Variants in USP25 observed in about 807,000 individuals in gnomAD.
USP25 encodes the protein ubiquitin carboxyl-terminal hydrolase 25.
Under a neutral mutation model 158.5 loss-of-function variants are expected in USP25, and 85 were observed. The ratio of observed to expected loss-of-function variants is 0.54; its 90% CI spans 0.45 to 0.64. The LOEUF is 0.64. USP25 is among the 30% of genes least tolerant of loss of function. The pLI, the probability that USP25 is intolerant of heterozygous loss-of-function variation, is 0.00. For missense variants in USP25, 1,242 were observed against 1,327.3 expected (o/e 0.94, Z 1.00); for synonymous variants, 464 against 460.4 (o/e 1.01, Z -0.10).
intron 17 of USP25, 21 bp from the exon 18 acceptor site, chr21:15,842,377 A>T (rs374796575): frequency 1.2e-6 from 2 of 1,610,658 alleles, no homozygotes; most frequent in African/African-American, 2.7e-5. Flanking sequence ...TAGATATATA[A>T]TTGATTCTTT....
intron 25 of USP25, 82 bp from the exon 26 acceptor site, chr21:15,878,221 A>G (rs929003380): frequency 6.6e-7 from 1 of 1,516,590 alleles, no homozygotes; most frequent in African/African-American, 1.4e-5. Context: ...CTATTAGAGT[A>G]AGTTAATATT....
At chr21:15,836,987 C>T (rs1292495557) in intron 17 of USP25, among the ~76,000 whole-genome samples, 61 of 106,696 alleles carry the variant, frequency 5.7e-4, no homozygotes, top group African/African-American at 1.8e-3. Context: ...AGCCAGCCAT[C>T]CTTTGCTGTC....
At chr21:15,859,622 T>C (rs2039328289) in intron 20 of USP25, among the ~76,000 whole-genome samples, 3 of 152,190 alleles carry the variant, frequency 2.0e-5, no homozygotes, top group African/African-American at 7.2e-5. Flanking sequence ...TTACCAGATT[T>C]CTAGGGCAAA....
chr21:15,829,840 T>A (rs1192471748), intron 14 of USP25, among the ~76,000 whole-genome samples: 1 of 152,146 alleles, frequency 6.6e-6, no homozygotes, highest in Non-Finnish European at 1.5e-5. Context: ...GGTTACTAGT[T>A]TTCTGACAGG....
chr21:15,768,168 G>C (rs144631600), intron 3 of USP25, among the ~76,000 whole-genome samples: 2 of 152,188 alleles, frequency 1.3e-5, no homozygotes, highest in Non-Finnish European at 2.9e-5. Context: ...GTCATATTGA[G>C]TAAATTGCTT....
At chr21:15,851,336 TTTAA>T (rs1301811662) in intron 20 of USP25, among the ~76,000 whole-genome samples, 1 of 152,122 alleles carries the variant, frequency 6.6e-6, no homozygotes, top group Admixed American at 6.5e-5. Flanking sequence ...CTTTCAGTTA[TTTAA>T]TCTGTTTGGC....
intron 4 of USP25, among the ~76,000 whole-genome samples, chr21:15,779,347 A>G (rs773677211): frequency 5.9e-5 from 9 of 152,048 alleles, no homozygotes; most frequent in Non-Finnish European, 1.2e-4. Context: ...AAACTTTGAG[A>G]AATATTTTAA....
chr21:15,768,859 A>C (rs1345658821), intron 3 of USP25, among the ~76,000 whole-genome samples: 1 of 152,094 alleles, frequency 6.6e-6, no homozygotes, highest in African/African-American at 2.4e-5. Flanking sequence ...AAATCTCTTA[A>C]AACCAGGGCT....
chr21:15,861,571 G>T (rs774778540), intron 20 of USP25, among the ~76,000 whole-genome samples: 4 of 152,104 alleles, frequency 2.6e-5, no homozygotes, highest in Non-Finnish European at 2.9e-5. Context: ...AGATTGTGTA[G>T]AACTCTGCTA....
intron 2 of USP25, among the ~76,000 whole-genome samples, chr21:15,765,459 C>T (rs1380918812): frequency 6.6e-6 from 1 of 151,952 alleles, no homozygotes; most frequent in East Asian, 1.9e-4. Flanking sequence ...TTGAGTATTT[C>T]TGTCTAGAGT....
chr21:15,777,189 G>C (rs529349053), intron 3 of USP25, among the ~76,000 whole-genome samples: 1 of 152,172 alleles, frequency 6.6e-6, no homozygotes, highest in Non-Finnish European at 1.5e-5. Flanking sequence ...TTTTTTATTA[G>C]AAGAGGGCTT....
intron 1 of USP25, among the ~76,000 whole-genome samples, chr21:15,734,753 T>TA (rs2031321055): frequency 6.6e-6 from 1 of 152,186 alleles, no homozygotes; most frequent in Non-Finnish European, 1.5e-5. Context: ...GAAATTTTCT[T>TA]ACATTCCTAA....
At chr21:15,778,687 A>G (rs1191523008) in intron 4 of USP25, among the ~76,000 whole-genome samples, 1 of 152,154 alleles carries the variant, frequency 6.6e-6, no homozygotes, top group Non-Finnish European at 1.5e-5. Context: ...TGATTCATCT[A>G]AGGACTAAAA....
chr21:15,878,142 A>C (rs2040172470), intron 25 of USP25, 151 bp downstream of exon 25: 1 of 1,088,508 alleles, frequency 9.2e-7, no homozygotes, highest in South Asian at 1.9e-5. Flanking sequence ...TTCCATATTG[A>C]TGAACTAAGC....
In USP25 at chr21:15,730,271, G is replaced by A; in HGVS notation, c.-123G>A. Reference sequence around the variant, plus strand: ...TCGCCTTCGCGCCTGGCTGGCGGGGGCGCTGTCCTCCCAGGCCGTCCGCGC... The same window carrying A: ...TCGCCTTCGCGCCTGGCTGGCGGGGACGCTGTCCTCCCAGGCCGTCCGCGC... On this transcript the variant is annotated 5_prime_UTR_variant, in exon 1 of 26. Coordinates refer to ENST00000400183, the MANE Select transcript of USP25 (RefSeq NM_001283041.3). The A allele has an allele frequency of 1.0e-6, 1 of 960,636 alleles. No homozygotes were observed. The highest frequency in any genetic ancestry group is 1.2e-6 in the Non-Finnish European group (1 of 806,612). The allele number at this position is 960,636 out of a possible 1,614,324, so 59.5% of individuals were successfully genotyped here. A position where few individuals can be genotyped will look rare whatever the true frequency, so the allele number is the denominator to read the frequency against.
intron 1 of USP25, among the ~76,000 whole-genome samples, chr21:15,748,409 G>GTAGCTGGGACT (rs2032729498): frequency 6.7e-6 from 1 of 148,658 alleles, no homozygotes; most frequent in South Asian, 2.1e-4. Flanking sequence ...AGCCTCCCAA[G>GTAGCTGGGACT]TAGCTGGGAC....
chr21:15,812,063 G>A (rs977064465), intron 9 of USP25, among the ~76,000 whole-genome samples: 8 of 151,668 alleles, frequency 5.3e-5, no homozygotes, highest in African/African-American at 9.7e-5. Context: ...TGACATGTTC[G>A]TACGTTTTTG....
rs777734505 is a variant in USP25, at chr21:15,778,047, A to G, written c.392+20A>G. 15 of 1,579,226 alleles carry G rather than the reference A, an allele frequency of 9.5e-6. No individual in the cohort carries two copies. The highest frequency in any genetic ancestry group is 3.9e-5 in the Admixed American group (2 of 51,170). Reference sequence around the variant, plus strand: ...TAGCAGGTAAAAACATAATTTGTATAAAGCAGATATAAGTACTTTTAAAAA... The same window carrying G: ...TAGCAGGTAAAAACATAATTTGTATGAAGCAGATATAAGTACTTTTAAAAA... On this transcript the variant is annotated intron_variant, in intron 4 of 25. Transcript: ENST00000400183.
At chr21:15,846,139 TATATATATATATATATA>T (rs1397610058) in intron 18 of USP25, among the ~76,000 whole-genome samples, 39 of 57,386 alleles carry the variant, frequency 6.8e-4, no homozygotes, top group African/African-American at 2.4e-3. Flanking sequence ...TATATATATA[TATATATATATATATATA>T]TATTTTTTTT....
Sources: allele counts gnomAD v4.1 joint callset (sites outside exome capture counted in the v4.1 genomes callset), GRCh38; gene constraint gnomAD v4.1.1; transcripts MANE v1.5; gene names NCBI Gene and HGNC (gene_info 2026-07-23, HGNC 2026-07-21).